The following DDX42 variants were observed in gnomAD, a reference collection of about 807,000 sequenced individuals.
DDX42 encodes the protein DEAD-box helicase 42.
Under a neutral mutation model 101.5 loss-of-function variants are expected in DDX42, and 22 were observed. The ratio of observed to expected loss-of-function variants is 0.22; its 90% CI spans 0.15 to 0.31. The LOEUF (loss-of-function observed/expected upper bound fraction) is 0.31. Among genes scored for constraint, DDX42 ranks in the 10% least tolerant of loss-of-function variants. The pLI is 1.00. For missense variants in DDX42, 849 were observed against 1,199.9 expected (o/e 0.71, Z 4.32); for synonymous variants, 402 against 401.2 (o/e 1.00, Z -0.02).
chr17:63,817,066 GATGCTAGATTTAGGGTCTTC>G, intron 17 of DDX42, 100 bp downstream of exon 17: 2 of 943,178 alleles, frequency 2.1e-6, no homozygotes, highest in South Asian at 3.0e-5. Flanking sequence ...GCCTAGGCTT[GATGCTAGATTTAGGGTCTTC>G]ACGCTGCTTG....
At chr17:63,775,104 C>T (rs2039402761) in intron 1 of DDX42, 2 of 152,572 alleles carry the variant, frequency 1.3e-5, no homozygotes, top group Non-Finnish European at 2.9e-5. Context: ...GTATACACAC[C>T]CAGGACTTCC....
At chr17:63,804,058 A>T (rs1259123143) in intron 6 of DDX42, among the ~76,000 whole-genome samples, 3 of 152,218 alleles carry the variant, frequency 2.0e-5, no homozygotes, top group Non-Finnish European at 4.4e-5. Flanking sequence ...GTGAAAATAC[A>T]ATAGTGTCAC....
At position 63,805,083 on chromosome 17, in the gene DDX42, C is replaced by T; in HGVS notation, c.634C>T (p.Pro212Ser). 6.2e-7 allele frequency: 1 copy of T among 1,609,870 alleles called. No individual in the cohort carries two copies. Residue 212 changes from proline to serine, a missense_variant, in exon 7 of 18, where the codon CCA (proline) becomes TCA (serine). By Grantham distance (74) the Pro-to-Ser change is moderately conservative (BLOSUM62 -1). Coordinates refer to ENST00000389924, the MANE Select transcript of DDX42 (RefSeq NM_203499.3). Reference protein sequence around the residue: ...PIDHSEIDYPPFEKNFYNEHE... With the variant: ...PIDHSEIDYPSFEKNFYNEHE... ...ATTGGACCTGCAGATTGACTATCCA[C>T]CATTTGAAAAAAACTTTTACAATGA... is the stretch of plus-strand genomic sequence containing the variant.
rs1245703046 is a variant in DDX42, at chr17:63,813,218, T to G, written c.1676-10T>G. 1 of 1,583,934 alleles carries G rather than the reference T, an allele frequency of 6.3e-7. No individual in the cohort carries two copies. The highest frequency in any genetic ancestry group is 8.6e-7 in the Non-Finnish European group (1 of 1,160,700). On this transcript the variant is annotated splice_polypyrimidine_tract_variant and intron_variant, in intron 14 of 17. Coordinates refer to ENST00000389924, the MANE Select transcript of DDX42 (RefSeq NM_203499.3). The stretch of plus-strand genomic sequence containing the variant: ...GAAGAATAAAAGAATTTGGTTGCTT[T>G]TTATTTCAGCCCGTGGTCTGGACAT...
chr17:63,787,150 A>G lies in DDX42; in HGVS notation c.101A>G (p.Gln34Arg), dbSNP rs76225333. ...GKKEEPKLPQ[Q>R]SHSAFGATSS... is the part of the protein sequence containing the mutation. ...AAGGAGGAACCCAAACTCCCACAGC[A>G]GTCCCACAGTGCCTTTGGGGCAACC... is the stretch of plus-strand genomic sequence containing the variant. The change falls in exon 2 of 18, where the codon CAG (glutamine) becomes CGG (arginine). Residue 34 changes from glutamine (Q) to arginine (R), a missense_variant. Physicochemically the swap from Gln to Arg is conservative, Grantham distance 43 (BLOSUM62 1). Around this residue, in one of 5 missense-constraint regions of DDX42, gnomAD observed 92 missense variants for 106.7 expected, o/e 0.86. Coordinates refer to ENST00000389924, the MANE Select transcript of DDX42 (RefSeq NM_203499.3). The G allele has an allele frequency of 6.2e-7, 1 of 1,614,216 alleles. No homozygotes were observed. The highest frequency in any genetic ancestry group is 1.3e-5 in the African/African-American group (1 of 75,062).
chr17:63,812,539 T>G (rs1312127958), intron 14 of DDX42, among the ~76,000 whole-genome samples: 1 of 152,232 alleles, frequency 6.6e-6, no homozygotes, highest in Non-Finnish European at 1.5e-5. Flanking sequence ...ACAGCTTAGT[T>G]GGGCAACTTA....
chr17:63,780,179 C>T (rs191674505), intron 1 of DDX42, among the ~76,000 whole-genome samples: 76 of 152,206 alleles, frequency 5.0e-4, no homozygotes, highest in Admixed American at 2.3e-3. Context: ...GCCTGTAATT[C>T]CAGCTACTTG....
Position 63,806,642 on chromosome 17 carries a change from A to C in DDX42, c.834A>C (p.Pro278=). The C allele has an allele frequency of 2.5e-6, 4 of 1,609,972 alleles. No individual in the cohort carries two copies. Among genetic ancestry groups the C allele is most frequent in the African/African-American group, 1.3e-5 (1 of 74,852 alleles). Residue 278 remains proline, a synonymous_variant, in exon 8 of 18, where the codon CCA becomes CCC. Coordinates refer to ENST00000389924, the MANE Select transcript of DDX42 (RefSeq NM_203499.3). ...IRKSEYTQPT[P]IQCQGVPVAL... is the part of the protein sequence containing the mutation. ...AATCTGAATACACACAGCCCACTCCAATACAGTGCCAGGTAAGTAAAACAT... is the reference window on the plus strand; with the variant it reads ...AATCTGAATACACACAGCCCACTCCCATACAGTGCCAGGTAAGTAAAACAT...
intron 14 of DDX42, 133 bp from the exon 15 acceptor site, chr17:63,813,095 T>A: frequency 4.1e-6 from 3 of 732,564 alleles, no homozygotes; most frequent in Non-Finnish European, 6.6e-6. Context: ...AACATGCCTG[T>A]ATCTCAGCTC....
chr17:63,778,073 T>C (rs1422137449), intron 1 of DDX42, among the ~76,000 whole-genome samples: 1 of 151,990 alleles, frequency 6.6e-6, no homozygotes, highest in Non-Finnish European at 1.5e-5. Flanking sequence ...TGGAAGAACC[T>C]GGAAAGGGTT....
intron 6 of DDX42, among the ~76,000 whole-genome samples, chr17:63,803,365 G>A (rs961146307): frequency 1.3e-5 from 2 of 152,114 alleles, no homozygotes; most frequent in Middle Eastern, 3.4e-3. Flanking sequence ...AAGGTGGGCA[G>A]ATCACTTGAG....
chr17:63,790,630 G>A (rs1180178952), intron 2 of DDX42, among the ~76,000 whole-genome samples: 1 of 152,088 alleles, frequency 6.6e-6, no homozygotes, highest in Non-Finnish European at 1.5e-5. Context: ...GTGTGGTGGC[G>A]GCGCATATAA....
In DDX42 at chr17:63,817,070, C is replaced by G. The variant is rs1241708833; in HGVS notation, c.2112+104C>G. On this transcript the variant is annotated intron_variant, in intron 17 of 17. Transcript: ENST00000389924. ...TGTAGCTGGGCGCCTAGGCTTGATG[C>G]TAGATTTAGGGTCTTCACGCTGCTT... 12 of 903,550 alleles carry G rather than the reference C, an allele frequency of 1.3e-5. No individual in the cohort carries two copies. In the South Asian group the frequency reaches 1.8e-4, roughly 14 times the overall value. The allele number at this position is 903,550 out of a possible 1,614,324, so 56.0% of individuals were successfully genotyped here.
At chr17:63,796,019 ATATGT>A (rs1435144971) in intron 3 of DDX42, among the ~76,000 whole-genome samples, 1 of 152,182 alleles carries the variant, frequency 6.6e-6, no homozygotes, top group East Asian at 1.9e-4. Flanking sequence ...TATTTAGTTA[ATATGT>A]TAAGTGATTT....
At chr17:63,801,716 A>G (rs890238839) in intron 6 of DDX42, among the ~76,000 whole-genome samples, 14 of 151,976 alleles carry the variant, frequency 9.2e-5, no homozygotes, top group African/African-American at 3.4e-4. Flanking sequence ...TGGTCTCCCA[A>G]AGTGCTGGGA....
chr17:63,774,549 C>G, intron 1 of DDX42, 173 bp downstream of exon 1: 1 of 166,572 alleles, frequency 6.0e-6, no homozygotes, highest in Non-Finnish European at 1.3e-5. Flanking sequence ...GGGCTGAGGC[C>G]TCTAGGGTTC....
At chr17:63,785,484 A>G (rs2039536322) in intron 1 of DDX42, among the ~76,000 whole-genome samples, 1 of 151,400 alleles carries the variant, frequency 6.6e-6, no homozygotes, top group African/African-American at 2.4e-5. Flanking sequence ...TTTTTGGGCC[A>G]GGTGCAGTGG....
upstream of DDX42, chr17:63,774,013 G>A (rs1438845859): frequency 4.7e-6 from 1 of 212,352 alleles, no homozygotes; most frequent in Admixed American, 5.9e-5. Context: ...TTTCTAGATG[G>A]GTCATGAACA....
At chr17:63,785,054 C>T (rs562685614) in intron 1 of DDX42, among the ~76,000 whole-genome samples, 1 of 152,108 alleles carries the variant, frequency 6.6e-6, no homozygotes, top group South Asian at 2.1e-4. Flanking sequence ...CATATGCATA[C>T]AAGTAGCAAA....
Sources: allele counts gnomAD v4.1 joint callset (sites outside exome capture counted in the v4.1 genomes callset), GRCh38; gene constraint gnomAD v4.1.1; regional missense constraint gnomAD v4.1.1; transcripts MANE v1.5; gene names NCBI Gene and HGNC (gene_info 2026-07-23, HGNC 2026-07-21).